The following GRIN3A variants were observed in gnomAD, a reference collection of about 807,000 sequenced individuals.
GRIN3A encodes the protein glutamate receptor ionotropic, NMDA 3A.
Under a neutral mutation model 92.4 loss-of-function variants are expected in GRIN3A, and 47 were observed. That is an observed-to-expected ratio of 0.51 (90% CI 0.40 to 0.65). The LOEUF (loss-of-function observed/expected upper bound fraction) is 0.65, where lower values mean the gene tolerates loss of function less well. GRIN3A is among the 30% of genes least tolerant of loss of function. The pLI is 0.00. For missense variants in GRIN3A, 1,324 were observed against 1,393.1 expected (o/e 0.95, Z 0.79); for synonymous variants, 527 against 540.6 (o/e 0.97, Z 0.35).
intron 1 of GRIN3A, among the ~76,000 whole-genome samples, chr9:101,724,632 A>C (rs1387485722): frequency 3.3e-5 from 5 of 152,206 alleles, no homozygotes; most frequent in African/African-American, 1.2e-4. Flanking sequence ...GCCCAGAGCG[A>C]GCGAGCGAGG....
chr9:101,579,097 G>T, intron 7 of GRIN3A, 99 bp downstream of exon 7: 1 of 1,227,682 alleles, frequency 8.1e-7, no homozygotes, highest in Non-Finnish European at 1.2e-6. Flanking sequence ...CGTTATTGTG[G>T]TAACATAACT....
At chr9:101,594,507 T>G in intron 6 of GRIN3A, 2 of 1,614,204 alleles carry the variant, frequency 1.2e-6, no homozygotes, top group Non-Finnish European at 1.7e-6. Flanking sequence ...TTGTCCAGGA[T>G]GATGATGGTT....
chr9:101,706,985 T>C (rs2485528), intron 1 of GRIN3A, among the ~76,000 whole-genome samples: 62,524 of 152,038 alleles, frequency 0.41, 13,256 homozygotes, highest in South Asian at 0.47. Flanking sequence ...AATCTTGTAA[T>C]GAGGTGGTGA....
At position 101,571,612 on chromosome 9, in the gene GRIN3A, C is replaced by G. The variant is rs1462643313; in HGVS notation, c.*1562G>C. The stretch of plus-strand genomic sequence containing the variant: ...GGTGAGGATGTTGAAGGAGAGTCAG[C>G]AGATGTGTGCTAAAATTATTAAAAA... On this transcript the variant is annotated 3_prime_UTR_variant, in exon 9 of 9. Transcript: ENST00000361820. 1 of 152,218 alleles carries G rather than the reference C, an allele frequency of 6.6e-6. No individual in the cohort carries two copies. Among genetic ancestry groups the G allele is most frequent in the African/African-American group, 2.4e-5 (1 of 41,440 alleles). The allele number at this position is 152,218 out of a possible 1,614,324, so 9.4% of individuals were successfully genotyped here. A position where few individuals can be genotyped will look rare whatever the true frequency, so the allele number is the denominator to read the frequency against.
chr9:101,618,265 C>A (rs770307569), intron 5 of GRIN3A, among the ~76,000 whole-genome samples: 96 of 150,268 alleles, frequency 6.4e-4, no homozygotes, highest in Non-Finnish European at 9.0e-4. Context: ...AGGCAACCTA[C>A]AAAATGGGAG....
At chr9:101,661,770 T>C (rs1215688926) in intron 3 of GRIN3A, among the ~76,000 whole-genome samples, 2 of 151,786 alleles carry the variant, frequency 1.3e-5, no homozygotes, top group African/African-American at 4.8e-5. Context: ...TTAAGGCTCT[T>C]GATCCAAATG....
rs933409589 is a variant in GRIN3A, at chr9:101,617,063, G to A, written c.2615-3536C>T. On this transcript the variant is annotated intron_variant, in intron 5 of 8. Transcript: ENST00000361820. ...AAAATACAAAAAATTAGCCGGGCGT[G>A]GTGGCGGGCGCCTGTAGTCGCAGCT... Among the ~76,000 whole-genome samples the A allele has an allele frequency of 1.2e-3, 173 of 150,366 alleles. 1 individual carries two copies. Among genetic ancestry groups the A allele is most frequent in the African/African-American group, 2.2e-3 (88 of 40,432 alleles).
chr9:101,692,160 T>C (rs887618078), intron 1 of GRIN3A, among the ~76,000 whole-genome samples: 12 of 152,192 alleles, frequency 7.9e-5, no homozygotes, highest in Non-Finnish European at 1.8e-4. Flanking sequence ...GCAATAGATA[T>C]CTTTTACAAA....
chr9:101,607,206 C>T (rs1828298601), intron 6 of GRIN3A, among the ~76,000 whole-genome samples: 1 of 151,284 alleles, frequency 6.6e-6, no homozygotes, highest in African/African-American at 2.4e-5. Context: ...GGCTAGATAG[C>T]TCTGGGGCTA....
chr9:101,724,191 C>T (rs1474499778), intron 1 of GRIN3A, among the ~76,000 whole-genome samples: 1 of 152,106 alleles, frequency 6.6e-6, no homozygotes, highest in Non-Finnish European at 1.5e-5. Context: ...GAGGCTCGGG[C>T]CGCACAGGAG....
intron 3 of GRIN3A, among the ~76,000 whole-genome samples, chr9:101,663,248 C>T (rs932191863): frequency 6.6e-6 from 1 of 151,876 alleles, no homozygotes; most frequent in Non-Finnish European, 1.5e-5. Flanking sequence ...CTGCCAGGCT[C>T]CTAGATTATG....
chr9:101,589,968 G>T lies in GRIN3A; in HGVS notation c.2767-10608C>A, dbSNP rs189910660. On this transcript the variant is annotated intron_variant, in intron 6 of 8. Transcript: ENST00000361820. The stretch of plus-strand genomic sequence containing the variant: ...TCAATAAAAAGCTACCTCCATATTA[G>T]AGTGACCTGCATTTCTTTGTAGTAA... Among the ~76,000 whole-genome samples the T allele has an allele frequency of 6.6e-4, 101 of 152,254 alleles. 1 individual carries two copies. Among genetic ancestry groups the T allele is most frequent in the Admixed American group, 5.2e-4 (8 of 15,290 alleles).
intron 2 of GRIN3A, among the ~76,000 whole-genome samples, chr9:101,685,075 T>G (rs2152867): frequency 0.78 from 119,098 of 152,034 alleles, 47,050 homozygotes; most frequent in Middle Eastern, 0.84. Flanking sequence ...AAAGTTCAGA[T>G]GATGATAGAA....
chr9:101,605,910 CA>C (rs1269131408), intron 6 of GRIN3A, among the ~76,000 whole-genome samples: 3 of 152,150 alleles, frequency 2.0e-5, no homozygotes, highest in African/African-American at 7.2e-5. Flanking sequence ...CTGGATTCAG[CA>C]AGAAAATCTT....
intron 6 of GRIN3A, among the ~76,000 whole-genome samples, chr9:101,585,147 C>T (rs1827934519): frequency 6.6e-6 from 1 of 152,190 alleles, no homozygotes; most frequent in Non-Finnish European, 1.5e-5. Flanking sequence ...AAATGGCCTC[C>T]ATATTGCCAA....
At chr9:101,676,524 G>A (rs1285916341) in intron 2 of GRIN3A, among the ~76,000 whole-genome samples, 2 of 151,750 alleles carry the variant, frequency 1.3e-5, no homozygotes, top group Non-Finnish European at 2.9e-5. Flanking sequence ...CGAGGAATGA[G>A]GGATTTACTC....
intron 6 of GRIN3A, among the ~76,000 whole-genome samples, chr9:101,582,603 G>T (rs904394426): frequency 6.6e-6 from 1 of 152,180 alleles, no homozygotes; most frequent in African/African-American, 2.4e-5. Context: ...ATACAAATGT[G>T]TCTGAAAATA....
chr9:101,616,804 G>C (rs1386042585), intron 5 of GRIN3A, among the ~76,000 whole-genome samples: 1 of 148,376 alleles, frequency 6.7e-6, no homozygotes, highest in Non-Finnish European at 1.5e-5. Context: ...TGACGAGTTA[G>C]TGGGTGCAGT....
At chr9:101,614,893 A>G (rs1291309631) in intron 5 of GRIN3A, among the ~76,000 whole-genome samples, 1 of 151,938 alleles carries the variant, frequency 6.6e-6, no homozygotes, top group Non-Finnish European at 1.5e-5. Flanking sequence ...TGATGGGATT[A>G]CAGGTATGAG....
Sources: allele counts gnomAD v4.1 joint callset (sites outside exome capture counted in the v4.1 genomes callset), GRCh38; gene constraint gnomAD v4.1.1; transcripts MANE v1.5; gene names NCBI Gene and HGNC (gene_info 2026-07-23, HGNC 2026-07-21).